Variants in ETV6 observed in about 807,000 individuals in gnomAD.
The protein encoded by ETV6 is ETS variant transcription factor 6, also known as transcription factor ETV6.
ETV6 carries 16 observed loss-of-function variants against 51.1 expected under a neutral mutation model. That is an observed-to-expected ratio of 0.31 (90% CI 0.21 to 0.48). The LOEUF (loss-of-function observed/expected upper bound fraction) is 0.48. ETV6 is among the 20% of genes least tolerant of loss of function. The probability of loss-of-function intolerance (pLI) is 0.99; values close to 1 mark genes in which losing one functional copy is unlikely to be tolerated. For missense variants in ETV6, 458 were observed against 594.8 expected (o/e 0.77, Z 2.39); for synonymous variants, 240 against 224.1 (o/e 1.07, Z -0.64).
chr12:11,769,674 G>C (rs907500832), intron 2 of ETV6, among the ~76,000 whole-genome samples: 1 of 152,304 alleles, frequency 6.6e-6, no homozygotes, highest in African/African-American at 2.4e-5. Context: ...TTCCCCGTTT[G>C]AGCTTAAGGT....
rs1788096533 is a variant in ETV6 at position 11,892,772 on chromosome 12, T to C, written c.*1726T>C. On this transcript the variant is annotated 3_prime_UTR_variant, in exon 8 of 8. Transcript: ENST00000396373. ...AGCTTTTTCTGAGTTGAGTCAGACA[T>C]GTAGAGTTTGGGTCACACAGGCAAG... 1 of 232,640 alleles carries C rather than the reference T, an allele frequency of 4.3e-6. No individual in the cohort carries two copies. The highest frequency in any genetic ancestry group is 2.2e-5 in the African/African-American group (1 of 45,290). 14.4% of individuals were successfully genotyped at this position (232,640 alleles called of 1,614,324 possible).
At chr12:11,760,735 C>T (rs2136336883) in intron 2 of ETV6, among the ~76,000 whole-genome samples, 1 of 152,142 alleles carries the variant, frequency 6.6e-6, no homozygotes, top group East Asian at 1.9e-4. Flanking sequence ...TTGTACCCTA[C>T]CTGCCAGCTC....
chr12:11,733,846 G>C (rs1477921207), intron 1 of ETV6, among the ~76,000 whole-genome samples: 2 of 152,214 alleles, frequency 1.3e-5, no homozygotes. Flanking sequence ...GAGGTGGCCC[G>C]CTGTACTGAT....
chr12:11,790,421 C>T (rs1295477128), intron 2 of ETV6, among the ~76,000 whole-genome samples: 3 of 152,030 alleles, frequency 2.0e-5, no homozygotes, highest in African/African-American at 4.8e-5. Context: ...GGTGGCCTGC[C>T]CACACATTTC....
intron 1 of ETV6, among the ~76,000 whole-genome samples, chr12:11,654,293 C>T (rs1442924621): frequency 2.0e-5 from 3 of 152,136 alleles, no homozygotes; most frequent in Non-Finnish European, 4.4e-5. Context: ...AACTTTCAAA[C>T]ATTCAGAGTT....
chr12:11,868,557 C>T (rs1946826168), intron 4 of ETV6, among the ~76,000 whole-genome samples: 1 of 151,218 alleles, frequency 6.6e-6, no homozygotes, highest in Non-Finnish European at 1.5e-5. Context: ...CATGTCTCAG[C>T]CTCCCGAGTA....
At chr12:11,848,679 C>T (rs540788962) in intron 3 of ETV6, among the ~76,000 whole-genome samples, 11 of 152,204 alleles carry the variant, frequency 7.2e-5, no homozygotes, top group South Asian at 2.1e-4. Flanking sequence ...CTGAGGCTTA[C>T]GGTTTGGGCA....
intron 2 of ETV6, among the ~76,000 whole-genome samples, chr12:11,822,718 T>TG (rs1166556359): frequency 1.3e-5 from 2 of 152,098 alleles, no homozygotes; most frequent in African/African-American, 4.8e-5. Context: ...CTTTTGTCAG[T>TG]GAATTGCAAG....
At chr12:11,775,552 T>C (rs1369688665) in intron 2 of ETV6, among the ~76,000 whole-genome samples, 1 of 152,206 alleles carries the variant, frequency 6.6e-6, no homozygotes, top group East Asian at 1.9e-4. Flanking sequence ...GTGAATACCG[T>C]GGTAGACAAG....
intron 5 of ETV6, among the ~76,000 whole-genome samples, chr12:11,878,827 GGAA>G (rs1377238616): frequency 0.036 from 4,728 of 132,572 alleles, 230 homozygotes; most frequent in African/African-American, 0.12. Flanking sequence ...GAGGAGGAGG[GGAA>G]AAAAAAAAAA....
chr12:11,700,244 A>G (rs1864953643), intron 1 of ETV6, among the ~76,000 whole-genome samples: 1 of 152,238 alleles, frequency 6.6e-6, no homozygotes, highest in South Asian at 2.1e-4. Flanking sequence ...TTTTTAAAAA[A>G]TAAATTTGGG....
chr12:11,734,947 A>G (rs1865674413), intron 1 of ETV6, among the ~76,000 whole-genome samples: 1 of 152,236 alleles, frequency 6.6e-6, no homozygotes. Context: ...TTGTGATAAC[A>G]ATATGAAACC....
At chr12:11,797,405 T>G (rs1945695201) in intron 2 of ETV6, among the ~76,000 whole-genome samples, 2 of 152,218 alleles carry the variant, frequency 1.3e-5, no homozygotes, top group African/African-American at 4.8e-5. Flanking sequence ...TGTTGGCAGT[T>G]GAGAGCTGGC....
At chr12:11,651,741 ATAG>A (rs1863910373) in intron 1 of ETV6, among the ~76,000 whole-genome samples, 3 of 152,358 alleles carry the variant, frequency 2.0e-5, no homozygotes, top group Admixed American at 1.3e-4. Context: ...AGGTAACTAA[ATAG>A]TAGGATATTC....
intron 1 of ETV6, among the ~76,000 whole-genome samples, chr12:11,746,192 A>G (rs1236792149): frequency 1.3e-5 from 2 of 152,232 alleles, no homozygotes; most frequent in Non-Finnish European, 2.9e-5. Flanking sequence ...GAAGGCTGCT[A>G]TGATTTTTAC....
chr12:11,768,907 G>A (rs761070341), intron 2 of ETV6: 5 of 479,550 alleles, frequency 1.0e-5, no homozygotes, highest in Non-Finnish European at 2.1e-5. Flanking sequence ...AAATTCCTTG[G>A]AAATACCATT....
chr12:11,878,176 C>G (rs1947022270), intron 5 of ETV6, among the ~76,000 whole-genome samples: 1 of 152,176 alleles, frequency 6.6e-6, no homozygotes, highest in Non-Finnish European at 1.5e-5. Context: ...ATCACTCCAG[C>G]AGGAATATTC....
chr12:11,731,448 T>C, intron 1 of ETV6, among the ~76,000 whole-genome samples: 1 of 152,348 alleles, frequency 6.6e-6, no homozygotes, highest in Non-Finnish European at 1.5e-5. Context: ...TTCTCCTTAA[T>C]ATTTATATAT....
At chr12:11,769,876 C>T (rs184203380) in intron 2 of ETV6, among the ~76,000 whole-genome samples, 60 of 152,248 alleles carry the variant, frequency 3.9e-4, no homozygotes, top group Admixed American at 3.9e-3. Context: ...GTGTGCTCTC[C>T]TGAAGCCCAG....
Sources: gnomAD v4.1 joint callset for allele counts (sites outside exome capture counted in the v4.1 genomes callset) on GRCh38, gnomAD v4.1.1 for gene constraint, MANE v1.5 for transcripts, NCBI Gene and HGNC (gene_info 2026-07-23, HGNC 2026-07-21) for gene names.